Variants in ANO9 observed in about 807,000 individuals in gnomAD.
The protein encoded by ANO9 is anoctamin 9.
ANO9 carries 80 observed loss-of-function variants against 100.5 expected under a neutral mutation model. The ratio of observed to expected loss-of-function variants is 0.80; its 90% CI spans 0.66 to 0.96. The LOEUF (loss-of-function observed/expected upper bound fraction) is 0.96. Ranked by LOEUF, ANO9 falls within the 40% of genes least tolerant of loss-of-function variation. The pLI, the probability that ANO9 is intolerant of heterozygous loss-of-function variation, is 0.00. For missense variants in ANO9, 1,064 were observed against 1,072.7 expected (o/e 0.99, Z 0.11); for synonymous variants, 473 against 435.6 (o/e 1.09, Z -1.07).
chr11:423,050 G>A (rs1590424729), intron 15 of ANO9, among the ~76,000 whole-genome samples: 1 of 151,990 alleles, frequency 6.6e-6, no homozygotes, highest in Non-Finnish European at 1.5e-5. Context: ...GGCTGGTCTC[G>A]AACTCCTGAC....
chr11:429,979 G>T, intron 9 of ANO9, 104 bp downstream of exon 9: 1 of 1,410,212 alleles, frequency 7.1e-7, no homozygotes, highest in Non-Finnish European at 9.7e-7. Flanking sequence ...TGTGGGGAAA[G>T]CTGAGCAGCT....
intron 9 of ANO9, 96 bp downstream of exon 9, chr11:429,987 G>T: frequency 7.0e-7 from 1 of 1,424,202 alleles, no homozygotes. Context: ...AAGCTGAGCA[G>T]CTCTGCAGGG....
intron 15 of ANO9, among the ~76,000 whole-genome samples, chr11:427,605 G>A (rs1157010898): frequency 2.0e-5 from 3 of 152,008 alleles, no homozygotes; most frequent in Non-Finnish European, 4.4e-5. Context: ...GGTGGTGCAC[G>A]CCTGTAATCC....
In ANO9 at chr11:422,407, A is replaced by C. The variant is rs1248140741; in HGVS notation, c.1335-1209T>G. Among the ~76,000 whole-genome samples, 1 of 152,244 alleles carries C rather than the reference A, an allele frequency of 6.6e-6. No individual in the cohort carries two copies. The highest frequency in any genetic ancestry group is 6.5e-5 in the Admixed American group (1 of 15,288). ...CAAGGCAGATGGTATTAAGGCTGCT[A>C]ATCAGCTGACTTTAAGACGGGGAGA... On this transcript the variant is annotated intron_variant, in intron 15 of 22. Transcript: ENST00000332826. The surrounding 1 kb of genome is among the most constrained non-coding windows in gnomAD (Gnocchi z 4.3).
intron 11 of ANO9, 55 bp from the exon 12 acceptor site, chr11:428,881 G>C: frequency 6.5e-7 from 1 of 1,541,768 alleles, no homozygotes; most frequent in Non-Finnish European, 8.9e-7. Flanking sequence ...CACATGTGGG[G>C]AGACAGACAC....
In ANO9 at chr11:431,688, C is replaced by A. The variant is rs201645248; in HGVS notation, c.539+6G>T. ...GGGTTCCTGTGCTCTCTTTGGGCAG[C>A]GTTACCTGATTTCATCAACTGGCTG... On this transcript the variant is annotated splice_donor_region_variant and intron_variant, in intron 7 of 22. Coordinates refer to ENST00000332826, the MANE Select transcript of ANO9 (RefSeq NM_001012302.3). 6.2e-7 allele frequency: 1 copy of A among 1,611,968 alleles called. No homozygotes were observed. Among genetic ancestry groups the A allele is most frequent in the East Asian group, 2.2e-5 (1 of 44,880 alleles).
rs1054667059 is a variant in ANO9 at position 421,600 on chromosome 11, C to T, written c.1335-402G>A. Among the ~76,000 whole-genome samples the T allele has an allele frequency of 1.5e-5, 2 of 134,110 alleles. No individual in the cohort carries two copies. Among genetic ancestry groups the T allele is most frequent in the African/African-American group, 5.7e-5 (2 of 35,344 alleles). The allele number at this position is 134,110 out of a possible 152,430, so 88.0% of individuals were successfully genotyped here. A position where few individuals can be genotyped will look rare whatever the true frequency, so the allele number is the denominator to read the frequency against. On this transcript the variant is annotated intron_variant, in intron 15 of 22. Coordinates refer to ENST00000332826, the MANE Select transcript of ANO9 (RefSeq NM_001012302.3). The surrounding 1 kb of genome is among the most constrained non-coding windows in gnomAD (Gnocchi z 6.8). ...GCGCGCGCACACACACACACACCCC[C>T]ACACAGGGGAGGCCACAGGCTCCCA... is the stretch of plus-strand genomic sequence containing the variant.
chr11:419,773 G>A (rs373526343), intron 19 of ANO9, 44 bp from the exon 20 acceptor site: 74 of 1,599,896 alleles, frequency 4.6e-5, no homozygotes, highest in Middle Eastern at 2.0e-4. Flanking sequence ...AGCGTCCCTC[G>A]GCTGGTTCTG....
rs114080201 is a variant in ANO9 at position 425,573 on chromosome 11, C to A, written c.1334+2515G>T. Among the ~76,000 whole-genome samples the A allele has an allele frequency of 8.2e-3, 1,212 of 147,250 alleles. 24 individuals carry two copies. Among genetic ancestry groups the A allele is most frequent in the African/African-American group, 0.028 (1,129 of 40,086 alleles). Reference sequence around the variant, plus strand: ...ACAGTTAAAAAAAAAAAAAAGCAAGCAAGAAAGAAGCCTGGCCTTCATGCT... The same window carrying A: ...ACAGTTAAAAAAAAAAAAAAGCAAGAAAGAAAGAAGCCTGGCCTTCATGCT... On this transcript the variant is annotated intron_variant, in intron 15 of 22. Transcript: ENST00000332826.
rs764234817 is a variant in ANO9 at position 433,866 on chromosome 11, C to T, written c.153G>A (p.Ala51=). 1.6e-4 allele frequency: 248 copies of T among 1,563,418 alleles called. No individual in the cohort carries two copies. Among genetic ancestry groups the T allele is most frequent in the Non-Finnish European group, 2.0e-4 (232 of 1,154,148 alleles). The change falls in exon 3 of 23, where the codon GCG becomes GCA. Residue 51 remains alanine, a synonymous_variant. Coordinates refer to ENST00000332826, the MANE Select transcript of ANO9 (RefSeq NM_001012302.3). ...GCTCCTCCAGGAACTGTTGCTGCCG[C>T]GCCTGCCGGGGGTCTCTCTGGGTGT... ...QRHTQRDPRQ[A]RQQQFLEELR...
intron 1 of ANO9, 117 bp from the exon 2 acceptor site, chr11:434,215 G>A: frequency 8.3e-7 from 1 of 1,209,974 alleles, no homozygotes; most frequent in Non-Finnish European, 1.1e-6. Context: ...CCCACAAGGA[G>A]AACAGCAAAG....
chr11:420,132 G>T, intron 19 of ANO9: 1 of 1,334,556 alleles, frequency 7.5e-7, no homozygotes, highest in Non-Finnish European at 9.6e-7. Context: ...CTGCCTGTCC[G>T]TCTCAGCGTG....
Position 421,013 on chromosome 11 carries a change from G to A in ANO9, c.1422C>T (p.Leu474=). ...CCATGATGATGGCCATCTGCACGAAGAGGTCCATCATGCAGCCGCTGGCGT... is the reference window on the plus strand; with the variant it reads ...CCATGATGATGGCCATCTGCACGAAAAGGTCCATCATGCAGCCGCTGGCGT... ...ECHASGCMMD[L]FVQMAIIMGL... The change falls in exon 17 of 23, where the codon CTC becomes CTT. Residue 474 remains leucine (L), a synonymous_variant. Coordinates refer to ENST00000332826, the MANE Select transcript of ANO9 (RefSeq NM_001012302.3). This position sits in a 1 kb window ranked among gnomAD's most constrained non-coding sequence, Gnocchi z 6.8. The A allele has an allele frequency of 6.2e-7, 1 of 1,606,012 alleles. No homozygotes were observed. The highest frequency in any genetic ancestry group is 8.5e-7 in the Non-Finnish European group (1 of 1,174,660).
At chr11:424,967 C>T (rs1013289660) in intron 15 of ANO9, among the ~76,000 whole-genome samples, 16 of 134,348 alleles carry the variant, frequency 1.2e-4, no homozygotes, top group Non-Finnish European at 2.4e-4. Context: ...GGCGCGGAGA[C>T]GGGACGCGCG....
intron 19 of ANO9, chr11:420,237 C>G (rs1373923853): frequency 1.4e-6 from 2 of 1,422,080 alleles, no homozygotes; most frequent in Admixed American, 5.8e-5. Context: ...CTCTGAGATC[C>G]TGACGGTTTG....
chr11:429,869 G>A (rs1295672544), intron 9 of ANO9, 51 bp from the exon 10 acceptor site: 2 of 1,504,526 alleles, frequency 1.3e-6, no homozygotes, highest in African/African-American at 2.8e-5. Flanking sequence ...CTGGGGAGGG[G>A]GGCAGGTGAG....
intron 20 of ANO9, 103 bp from the exon 21 acceptor site, chr11:419,092 G>C: frequency 6.4e-7 from 1 of 1,566,216 alleles, no homozygotes; most frequent in Non-Finnish European, 8.6e-7. Context: ...ACAGTGAGGT[G>C]GGGGCCACGC....
At chr11:427,722 T>A (rs748709062) in intron 15 of ANO9, among the ~76,000 whole-genome samples, 9 of 151,788 alleles carry the variant, frequency 5.9e-5, no homozygotes, top group South Asian at 4.2e-4. Context: ...TCTCTCTCTC[T>A]CTCTCATATA....
At chr11:433,763 T>C in intron 3 of ANO9, 52 bp downstream of exon 3, 1 of 1,518,804 alleles carries the variant, frequency 6.6e-7, no homozygotes, top group South Asian at 1.2e-5. Context: ...TGCCCCTCGC[T>C]GGACACCCGC....
Sources: gnomAD v4.1 joint callset for allele counts (sites outside exome capture counted in the v4.1 genomes callset) on GRCh38, gnomAD v4.1.1 for gene constraint, Gnocchi (gnomAD v3.1) non-coding constraint, MANE v1.5 for transcripts, NCBI Gene and HGNC (gene_info 2026-07-23, HGNC 2026-07-21) for gene names.